Variants in CLINT1 observed in about 807,000 individuals in gnomAD.
The protein encoded by CLINT1 is clathrin interactor 1, also known as clathrin interacting protein localized in the trans-Golgi region.
In CLINT1, 15 loss-of-function variants were observed where a neutral mutation model predicts 70.4. That is an observed-to-expected ratio of 0.21 (90% CI 0.14 to 0.33). CLINT1 has a LOEUF of 0.33. Ranked by LOEUF, CLINT1 falls within the 10% of genes least tolerant of loss-of-function variation. CLINT1 has a pLI of 1.00. For missense variants in CLINT1, 615 were observed against 778.1 expected, an observed-to-expected ratio of 0.79 and a Z score of 2.49; for synonymous variants, 227 against 254.7, an observed-to-expected ratio of 0.89 and a Z score of 1.04.
At chr5:157,817,749 C>G in intron 1 of CLINT1, among the ~76,000 whole-genome samples, 1 of 152,090 alleles carries the variant, frequency 6.6e-6, no homozygotes, top group East Asian at 1.9e-4. Flanking sequence ...TTTTACTATA[C>G]CATTAGCCTT....
At chr5:157,848,018 GT>G (rs1219907898) in intron 1 of CLINT1, among the ~76,000 whole-genome samples, 1 of 152,122 alleles carries the variant, frequency 6.6e-6, no homozygotes, top group Non-Finnish European at 1.5e-5. Flanking sequence ...TATTGCTCAG[GT>G]TGGTCTTCAA....
intron 1 of CLINT1, among the ~76,000 whole-genome samples, chr5:157,830,631 T>C (rs1044315092): frequency 6.6e-6 from 1 of 151,878 alleles, no homozygotes; most frequent in Non-Finnish European, 1.5e-5. Flanking sequence ...ATCCCAGCAC[T>C]TTGGGAGGCC....
In CLINT1 at chr5:157,859,018, G is replaced by T. The variant is rs761279861; in HGVS notation, c.-48C>A. ...GCCGCCTCCCTCTCCTGCTCCCCAC[G>T]GACCCCGGAACACTTCCGTACCGGG... On this transcript the variant is annotated 5_prime_UTR_variant, in exon 1 of 12. Transcript: ENST00000411809. The T allele has an allele frequency of 2.1e-5, 34 of 1,605,384 alleles. No individual in the cohort carries two copies. Among genetic ancestry groups the T allele is most frequent in the Non-Finnish European group, 2.9e-5 (34 of 1,175,874 alleles).
chr5:157,800,807 T>C (rs1762189189), intron 8 of CLINT1, among the ~76,000 whole-genome samples: 1 of 152,282 alleles, frequency 6.6e-6, no homozygotes, highest in Middle Eastern at 3.4e-3. Flanking sequence ...CCTTGCCAAG[T>C]AAAGGAAGCA....
intron 1 of CLINT1, among the ~76,000 whole-genome samples, chr5:157,823,104 C>G (rs975718373): frequency 6.6e-6 from 1 of 152,098 alleles, no homozygotes; most frequent in Non-Finnish European, 1.5e-5. Context: ...TTTCACTCAT[C>G]CTGAGATCAG....
At chr5:157,832,030 C>A (rs753475119) in intron 1 of CLINT1, among the ~76,000 whole-genome samples, 1 of 151,954 alleles carries the variant, frequency 6.6e-6, no homozygotes, top group Non-Finnish European at 1.5e-5. Flanking sequence ...CACTGTCCCC[C>A]AAGCTGGAGT....
chr5:157,839,426 C>T (rs7723463), intron 1 of CLINT1, among the ~76,000 whole-genome samples: 2,249 of 152,094 alleles, frequency 0.015, 53 homozygotes, highest in African/African-American at 0.051. Flanking sequence ...CATGGTGAAA[C>T]CGCATCTCTA....
At chr5:157,816,675 T>G (rs1431792215) in intron 3 of CLINT1, 59 bp downstream of exon 3, 2 of 1,229,042 alleles carry the variant, frequency 1.6e-6, no homozygotes, top group Non-Finnish European at 2.4e-6. Context: ...ATATACACCT[T>G]CAATTTCCAG....
Position 157,813,214 on chromosome 5 carries a change from C to G in CLINT1, c.366G>C (p.Lys122Asn). ...TCTGTCGAATATTTATACCTTGATCCTTACCATGCTCATCTATGAGGATGG... is the reference window on the plus strand; with the variant it reads ...TCTGTCGAATATTTATACCTTGATCGTTACCATGCTCATCTATGAGGATGG... ...ENYHFVDEHG[K>N]DQGINIRQKV... Residue 122 changes from lysine (K) to asparagine (N), a missense_variant, in exon 5 of 12, where the codon AAG becomes AAC. Physicochemically the swap from Lys to Asn is moderately conservative, Grantham distance 94. Around this residue, in one of 2 missense-constraint regions of CLINT1, gnomAD observed 241 missense variants for 368.6 expected, o/e 0.65. Transcript: ENST00000411809. 1 of 1,612,718 alleles carries G rather than the reference C, an allele frequency of 6.2e-7. No homozygotes were observed. The highest frequency in any genetic ancestry group is 8.5e-7 in the Non-Finnish European group (1 of 1,179,724).
intron 11 of CLINT1, among the ~76,000 whole-genome samples, chr5:157,788,860 C>CGGAAGGCTGAGGCAA (rs1761807045): frequency 6.7e-6 from 1 of 149,976 alleles, no homozygotes; most frequent in South Asian, 2.1e-4. Flanking sequence ...CCCAGCTACT[C>CGGAAGGCTGAGGCAA]GGAAGGCTGA....
intron 9 of CLINT1, among the ~76,000 whole-genome samples, chr5:157,792,469 AC>A (rs1479380736): frequency 6.6e-6 from 1 of 152,018 alleles, no homozygotes; most frequent in Non-Finnish European, 1.5e-5. Flanking sequence ...AATCGCTTGA[AC>A]CCGGGAGGCG....
rs17681081 is a variant in CLINT1, at chr5:157,825,120, T to C, written c.42-7573A>G. On this transcript the variant is annotated intron_variant, in intron 1 of 11. Coordinates refer to ENST00000411809, the MANE Select transcript of CLINT1 (RefSeq NM_014666.4). Reference sequence around the variant, plus strand: ...GAGACATCTAAAATCTGAAGCTCTCTTACCCATTCTGCAATAACAAGATTT... The same window carrying C: ...GAGACATCTAAAATCTGAAGCTCTCCTACCCATTCTGCAATAACAAGATTT... 9.1e-3 allele frequency among the ~76,000 whole-genome samples: 1,381 copies of C among 152,276 alleles called. 13 individuals carry two copies. Among genetic ancestry groups the C allele is most frequent in the Non-Finnish European group, 0.016 (1,080 of 67,978 alleles).
At chr5:157,793,590 C>G (rs1039814359) in intron 9 of CLINT1, among the ~76,000 whole-genome samples, 5 of 152,138 alleles carry the variant, frequency 3.3e-5, no homozygotes, top group African/African-American at 1.2e-4. Context: ...TAGTAGGCAA[C>G]TTTATATACA....
At chr5:157,846,950 T>A (rs1275692844) in intron 1 of CLINT1, among the ~76,000 whole-genome samples, 1 of 152,220 alleles carries the variant, frequency 6.6e-6, no homozygotes, top group Non-Finnish European at 1.5e-5. Context: ...AAGATTCTTT[T>A]CAAAATATTA....
chr5:157,789,664 G>A, intron 10 of CLINT1, 151 bp from the exon 11 acceptor site: 1 of 979,254 alleles, frequency 1.0e-6, no homozygotes. Context: ...GAAACAAAAA[G>A]AACCACTAAT....
intron 3 of CLINT1, among the ~76,000 whole-genome samples, chr5:157,815,703 A>G (rs187532193): frequency 1.8e-4 from 27 of 152,374 alleles, no homozygotes; most frequent in Admixed American, 9.1e-4. Context: ...TTAATATCAT[A>G]GAGTGTACTT....
chr5:157,789,803 C>G, intron 10 of CLINT1: 1 of 503,168 alleles, frequency 2.0e-6, no homozygotes, highest in Non-Finnish European at 3.6e-6. Context: ...TCCCATCACT[C>G]AAAGTCTAGA....
At position 157,858,987 on chromosome 5, in the gene CLINT1, C is replaced by G; in HGVS notation, c.-17G>C. 2 of 1,610,616 alleles carry G rather than the reference C, an allele frequency of 1.2e-6. No homozygotes were observed. The highest frequency in any genetic ancestry group is 8.5e-7 in the Non-Finnish European group (1 of 1,178,578). On this transcript the variant is annotated 5_prime_UTR_variant, in exon 1 of 12. Transcript: ENST00000411809. The stretch of plus-strand genomic sequence containing the variant: ...GTTCAACATCGTGCCCCGCGCGGGA[C>G]GGTCCGCCGCCTCCCTCTCCTGCTC...
At chr5:157,848,046 A>G (rs1306516801) in intron 1 of CLINT1, among the ~76,000 whole-genome samples, 2 of 152,116 alleles carry the variant, frequency 1.3e-5, no homozygotes, top group Non-Finnish European at 2.9e-5. Flanking sequence ...GGCTCAAGTG[A>G]TCCACGTGCC....
Sources: allele counts gnomAD v4.1 joint callset (sites outside exome capture counted in the v4.1 genomes callset), GRCh38; gene constraint gnomAD v4.1.1; regional missense constraint gnomAD v4.1.1; transcripts MANE v1.5; gene names NCBI Gene and HGNC (gene_info 2026-07-23, HGNC 2026-07-21).